SMC5: variants seen among roughly 807,000 people sequenced by gnomAD.
The protein encoded by SMC5 is structural maintenance of chromosomes 5.
SMC5 carries 88 observed loss-of-function variants against 148.3 expected under a neutral mutation model. The observed-to-expected ratio is 0.59, with a 90% CI of 0.50 to 0.71. The LOEUF (loss-of-function observed/expected upper bound fraction) is 0.71, where lower values mean the gene tolerates loss of function less well. SMC5 is among the 30% of genes least tolerant of loss of function. The pLI, the probability that SMC5 is intolerant of heterozygous loss-of-function variation, is 0.00. For missense variants in SMC5, 1,142 were observed against 1,298.9 expected, an observed-to-expected ratio of 0.88 and a Z score of 1.86; for synonymous variants, 421 against 432.8, an observed-to-expected ratio of 0.97 and a Z score of 0.34.
At chr9:70,318,398 A>G in intron 13 of SMC5, 116 bp from the exon 14 acceptor site, 1 of 857,668 alleles carries the variant, frequency 1.2e-6, no homozygotes, top group South Asian at 2.4e-5. Context: ...AAAAAAAAAA[A>G]TGTATATCTC....
In SMC5 at chr9:70,318,933, TG is replaced by T. The variant is rs1274217284; in HGVS notation, c.2122del (p.Glu708AsnfsTer8). On this transcript the variant is annotated frameshift_variant, in exon 15 of 25. Coordinates refer to ENST00000361138, the MANE Select transcript of SMC5 (RefSeq NM_015110.4). LOFTEE classifies it high-confidence loss of function. ...GAGAGAAAAACCAAGAAAAGACAAC[TG>T]GAACAAAAAATCAGTTCCAAACTAG... ...LLERKTKKRQ[L>X]EQKISSKLGS... The T allele has an allele frequency of 1.9e-6, 3 of 1,608,182 alleles. No homozygotes were observed. The highest frequency in any genetic ancestry group is 2.5e-6 in the Non-Finnish European group (3 of 1,178,228).
chr9:70,327,683 G>C (rs1189785318), intron 17 of SMC5, among the ~76,000 whole-genome samples: 1 of 152,138 alleles, frequency 6.6e-6, no homozygotes, highest in Non-Finnish European at 1.5e-5. Context: ...AAAGGAATTA[G>C]GCTGTTACTA....
intron 17 of SMC5, among the ~76,000 whole-genome samples, chr9:70,335,666 A>G (rs994995315): frequency 1.3e-5 from 2 of 152,232 alleles, no homozygotes; most frequent in Admixed American, 6.5e-5. Flanking sequence ...AGCATACACT[A>G]TATAATTTCA....
At chr9:70,271,141 GTTTTGGATTTTGGAGCA>G (rs60507809) in intron 3 of SMC5, among the ~76,000 whole-genome samples, 118,940 of 151,740 alleles carry the variant, frequency 0.78, 46,767 homozygotes, top group Admixed American at 0.83. Flanking sequence ...CACACAAGAA[GTTTTGGATTTTGGAGCA>G]TTTTGGATTT....
At chr9:70,308,265 T>A (rs2118501546) in intron 11 of SMC5, among the ~76,000 whole-genome samples, 1 of 152,218 alleles carries the variant, frequency 6.6e-6, no homozygotes, top group Non-Finnish European at 1.5e-5. Flanking sequence ...CATCAGTATA[T>A]TTAGTAATTT....
intron 5 of SMC5, 142 bp downstream of exon 5, chr9:70,278,767 C>T (rs2034667302): frequency 1.4e-6 from 1 of 721,530 alleles, no homozygotes; most frequent in Non-Finnish European, 2.1e-6. Context: ...CTGCTAATAT[C>T]AGTTAAAGTG....
At position 70,259,231 on chromosome 9, in the gene SMC5, C is replaced by T; in HGVS notation, c.153C>T (p.Gly51=). The T allele has an allele frequency of 6.2e-7, 1 of 1,600,118 alleles. No individual in the cohort carries two copies. The highest frequency in any genetic ancestry group is 8.5e-7 in the Non-Finnish European group (1 of 1,172,924). The change falls in exon 1 of 25, where the codon GGC becomes GGT. Residue 51 remains glycine, a synonymous_variant. Transcript: ENST00000361138. ...LLQSSGPFVE[G]SIVRISMENF... ...AGTCGTCCGGGCCTTTCGTGGAAGG[C>T]TCTATCGTCCGCATCTCGATGGAGA...
chr9:70,341,039 G>A (rs986546221), intron 17 of SMC5, among the ~76,000 whole-genome samples: 1 of 152,078 alleles, frequency 6.6e-6, no homozygotes, highest in Non-Finnish European at 1.5e-5. Context: ...TAGACTCTAA[G>A]CAGAAATGTA....
intron 17 of SMC5, among the ~76,000 whole-genome samples, chr9:70,333,170 G>C (rs551739818): frequency 7.2e-5 from 11 of 152,232 alleles, no homozygotes; most frequent in African/African-American, 2.6e-4. Context: ...CTACCAAAAT[G>C]CTAATAGAAC....
chr9:70,282,579 A>G lies in SMC5; in HGVS notation c.977A>G (p.Glu326Gly), dbSNP rs141264576. ...ERHNLEARIK[E>G]KATDIKEASQ... ...CACAATTTGGAGGCTCGAATCAAAGAAAAGGTACTTTTTGGTTTCAATTTT... is the reference window on the plus strand; with the variant it reads ...CACAATTTGGAGGCTCGAATCAAAGGAAAGGTACTTTTTGGTTTCAATTTT... The change falls in exon 7 of 25, where the codon GAA (glutamate) becomes GGA (glycine). Residue 326 changes from glutamate to glycine, a missense_variant. Physicochemically the swap from Glu to Gly is moderately conservative, Grantham distance 98 (BLOSUM62 -2). Coordinates refer to ENST00000361138, the MANE Select transcript of SMC5 (RefSeq NM_015110.4). 1.1e-3 allele frequency: 1,695 copies of G among 1,561,024 alleles called. 4 individuals carry two copies. Among genetic ancestry groups the G allele is most frequent in the Non-Finnish European group, 1.3e-3 (1,561 of 1,162,168 alleles).
chr9:70,314,265 G>A (rs886273061), intron 11 of SMC5, among the ~76,000 whole-genome samples: 23 of 151,720 alleles, frequency 1.5e-4, no homozygotes, highest in African/African-American at 5.5e-4. Flanking sequence ...ATTGGGGAAT[G>A]CCCCCAAGCC....
At chr9:70,263,770 C>A (rs576988340) in intron 1 of SMC5, among the ~76,000 whole-genome samples, 1 of 152,246 alleles carries the variant, frequency 6.6e-6, no homozygotes, top group East Asian at 1.9e-4. Flanking sequence ...TAGGCACATA[C>A]CATGGTGCCT....
In SMC5 at chr9:70,282,481, G is replaced by C; in HGVS notation, c.879G>C (p.Lys293Asn). ...TAAAACTAGTTCGTGACCGAGTGAA[G>C]GAAGAGGTCAGAAAACTTAAAGAAG... is the stretch of plus-strand genomic sequence containing the variant. ...EEVKLVRDRV[K>N]EEVRKLKEGQ... Residue 293 changes from lysine (K) to asparagine (N), a missense_variant, in exon 7 of 25, where the codon AAG becomes AAC. This residue lies in a region of SMC5 where 743 missense variants were observed against 835.7 expected (regional missense o/e 0.89). Transcript: ENST00000361138. 1 of 1,607,516 alleles carries C rather than the reference G, an allele frequency of 6.2e-7. No individual in the cohort carries two copies. Among genetic ancestry groups the C allele is most frequent in the Non-Finnish European group, 8.5e-7 (1 of 1,178,002 alleles).
chr9:70,333,347 A>G (rs911173348), intron 17 of SMC5, among the ~76,000 whole-genome samples: 9 of 151,422 alleles, frequency 5.9e-5, no homozygotes, highest in Non-Finnish European at 1.3e-4. Context: ...GCTCATACCT[A>G]TAATCCTAGC....
chr9:70,277,242 G>A, intron 3 of SMC5, 68 bp from the exon 4 acceptor site: 1 of 1,132,598 alleles, frequency 8.8e-7, no homozygotes, highest in Non-Finnish European at 1.2e-6. Flanking sequence ...AGAGAATTTT[G>A]GGAATTTTAT....
chr9:70,274,010 C>G (rs763646898), intron 3 of SMC5, among the ~76,000 whole-genome samples: 2 of 152,182 alleles, frequency 1.3e-5, no homozygotes, highest in African/African-American at 4.8e-5. Context: ...TTACACTATT[C>G]CTCTATGCAG....
intron 24 of SMC5, 98 bp from the exon 25 acceptor site, chr9:70,352,093 T>C (rs1272333136): frequency 1.1e-5 from 13 of 1,166,934 alleles, no homozygotes; most frequent in African/African-American, 3.1e-5. Context: ...TTATTAATAT[T>C]GCAAATAAAA....
chr9:70,325,295 GC>G (rs1330329145), intron 17 of SMC5, among the ~76,000 whole-genome samples: 1 of 152,076 alleles, frequency 6.6e-6, no homozygotes, highest in Non-Finnish European at 1.5e-5. Context: ...CAGCAACAAA[GC>G]CCAGTCAAAT....
chr9:70,267,697 T>C (rs1190754722), intron 2 of SMC5, among the ~76,000 whole-genome samples: 2 of 152,176 alleles, frequency 1.3e-5, no homozygotes, highest in South Asian at 2.1e-4. Context: ...ATGGAGTGCA[T>C]AGGAGTTCGA....
Sources: allele counts gnomAD v4.1 joint callset (sites outside exome capture counted in the v4.1 genomes callset), GRCh38; gene constraint gnomAD v4.1.1; regional missense constraint gnomAD v4.1.1; transcripts MANE v1.5; gene names NCBI Gene and HGNC (gene_info 2026-07-23, HGNC 2026-07-21).